FBXO33: variants seen among roughly 807,000 people sequenced by gnomAD.
FBXO33 encodes F-box protein 33.
In FBXO33, 22 loss-of-function variants were observed where a neutral mutation model predicts 46.3. The observed-to-expected ratio is 0.48, with a 90% confidence interval of 0.34 to 0.68. The LOEUF is 0.68. Ranked by LOEUF, FBXO33 falls within the 30% of genes least tolerant of loss-of-function variation. FBXO33 has a pLI of 0.01. For synonymous variants in FBXO33, 337 were observed against 291.3 expected, an observed-to-expected ratio of 1.16 and a Z score of -1.60; for missense variants, 692 against 708.8, an observed-to-expected ratio of 0.98 and a Z score of 0.27.
chr14:39,422,993 G>A (rs34080511), intron 1 of FBXO33, among the ~76,000 whole-genome samples: 13,902 of 152,102 alleles, frequency 0.091, 720 homozygotes, highest in Middle Eastern at 0.16. Flanking sequence ...GTGGTGGCGT[G>A]TGCCTGTAGT....
chr14:39,402,412 T>C lies in FBXO33; in HGVS notation c.699A>G (p.Lys233=). Residue 233 remains lysine (K), a synonymous_variant, in exon 2 of 4, where the codon AAA becomes AAG. Coordinates refer to ENST00000298097, the MANE Select transcript of FBXO33 (RefSeq NM_203301.4). ...TYLSKVDPDG[K]KIKQIQQLFE... Reference sequence around the variant, plus strand: ...ACCATATAACTTACTGTTTAATTTTTTTGCCATCAGGGTCCACCTTGCTGA... The same window carrying C: ...ACCATATAACTTACTGTTTAATTTTCTTGCCATCAGGGTCCACCTTGCTGA... 3.2e-6 allele frequency: 5 copies of C among 1,565,572 alleles called. No individual in the cohort carries two copies. Among genetic ancestry groups the C allele is most frequent in the Non-Finnish European group, 4.3e-6 (5 of 1,154,520 alleles).
At chr14:39,431,373 A>C (rs572688089) in intron 1 of FBXO33, among the ~76,000 whole-genome samples, 191 bp downstream of exon 1, 28 of 152,286 alleles carry the variant, frequency 1.8e-4, no homozygotes, top group Non-Finnish European at 3.5e-4. Context: ...CACTGTTTAT[A>C]AAGTATCGTG....
chr14:39,422,928 T>C (rs867773107), intron 1 of FBXO33, among the ~76,000 whole-genome samples: 29 of 152,006 alleles, frequency 1.9e-4, no homozygotes, highest in African/African-American at 5.3e-4. Flanking sequence ...TCGAGACCAG[T>C]CTGGCCAACA....
rs1159059027 is a variant in FBXO33 at position 39,399,651 on chromosome 14, A to G, written c.1533T>C (p.His511=). 1 of 1,613,950 alleles carries G rather than the reference A, an allele frequency of 6.2e-7. No individual in the cohort carries two copies. Among genetic ancestry groups the G allele is most frequent in the Non-Finnish European group, 8.5e-7 (1 of 1,179,988 alleles). ...ELADQDVDPV[H]NLIEQVSLGL... ...CCAGGGATACCTGCTCAATAAGGTTATGCACTGGATCTACATCCTGGTCGG... is the reference window on the plus strand; with the variant it reads ...CCAGGGATACCTGCTCAATAAGGTTGTGCACTGGATCTACATCCTGGTCGG... The change falls in exon 4 of 4, where the codon CAT becomes CAC. Residue 511 remains histidine, a synonymous_variant. Coordinates refer to ENST00000298097, the MANE Select transcript of FBXO33 (RefSeq NM_203301.4).
chr14:39,402,677 ATTTT>A (rs58903755), intron 1 of FBXO33, among the ~76,000 whole-genome samples, 166 bp from the exon 2 acceptor site: 1 of 83,102 alleles, frequency 1.2e-5, no homozygotes. Context: ...ATATATTCAG[ATTTT>A]TTTTTTTTTT....
At chr14:39,402,287 A>ACCTATC (rs1661937559) in intron 2 of FBXO33, 114 bp downstream of exon 2, 1 of 483,732 alleles carries the variant, frequency 2.1e-6, no homozygotes, top group African/African-American at 2.0e-5. Context: ...CATTTCCAGG[A>ACCTATC]CCTATGTTCC....
At chr14:39,430,714 T>C (rs180990704) in intron 1 of FBXO33, among the ~76,000 whole-genome samples, 27 of 152,330 alleles carry the variant, frequency 1.8e-4, no homozygotes, top group Non-Finnish European at 3.8e-4. Flanking sequence ...TAAGGTTCTT[T>C]AGAATATCCA....
At chr14:39,430,099 C>T (rs139286023) in intron 1 of FBXO33, among the ~76,000 whole-genome samples, 56 of 152,336 alleles carry the variant, frequency 3.7e-4, no homozygotes, top group African/African-American at 1.3e-3. Flanking sequence ...ACCTTGGTCT[C>T]ATTAGTAAGT....
intron 3 of FBXO33, among the ~76,000 whole-genome samples, 187 bp from the exon 4 acceptor site, chr14:39,399,974 A>G (rs2075361305): frequency 6.6e-6 from 1 of 152,202 alleles, no homozygotes; most frequent in Admixed American, 6.5e-5. Flanking sequence ...TAGCCCAGAA[A>G]AAAAAAGGCT....
In FBXO33 at chr14:39,412,039, T is replaced by C. The variant is rs543282174; in HGVS notation, c.600-9528A>G. On this transcript the variant is annotated intron_variant, in intron 1 of 3. Transcript: ENST00000298097. Reference sequence around the variant, plus strand: ...GAGAAGAATGTGTATTCTGCTGTTGTTGGATGGAATGTTCTGTATATGTCT... The same window carrying C: ...GAGAAGAATGTGTATTCTGCTGTTGCTGGATGGAATGTTCTGTATATGTCT... Among the ~76,000 whole-genome samples, 5 of 152,342 alleles carry C rather than the reference T, an allele frequency of 3.3e-5. No homozygotes were observed. The South Asian group carries it at 1.0e-3, about 32-fold the overall frequency.
At chr14:39,412,099 C>A (rs1467408407) in intron 1 of FBXO33, among the ~76,000 whole-genome samples, 1 of 152,162 alleles carries the variant, frequency 6.6e-6, no homozygotes, top group Non-Finnish European at 1.5e-5. Flanking sequence ...TGGTTAAAAT[C>A]CAGTGTTTCC....
chr14:39,432,300 C>G lies in FBXO33; in HGVS notation c.-138G>C, dbSNP rs1256195521. ...CCTCTGTCTTCTCAAACTCTACTCA[C>G]GTGCGTCCGAGGCCGGCACACTGAG... On this transcript the variant is annotated 5_prime_UTR_variant, in exon 1 of 4. Transcript: ENST00000298097. The G allele has an allele frequency of 1.3e-5, 9 of 688,602 alleles. No homozygotes were observed. The highest frequency in any genetic ancestry group is 1.8e-5 in the Non-Finnish European group (9 of 510,568). 42.7% of individuals were successfully genotyped at this position (688,602 alleles called of 1,614,324 possible).
In FBXO33 at chr14:39,407,483, C is replaced by G. The variant is rs545408140; in HGVS notation, c.600-4972G>C. On this transcript the variant is annotated intron_variant, in intron 1 of 3. Transcript: ENST00000298097. ...TCCCTCCTTACAGCCCCAGCAATCA[C>G]CATTTTATTCTCTGCTTCTGGGAGT... 2.0e-4 allele frequency among the ~76,000 whole-genome samples: 31 copies of G among 152,326 alleles called. No homozygotes were observed. In the South Asian group the frequency reaches 6.2e-3, roughly 31 times the overall value.
chr14:39,405,606 A>G (rs2075392537), intron 1 of FBXO33, among the ~76,000 whole-genome samples: 1 of 152,146 alleles, frequency 6.6e-6, no homozygotes, highest in South Asian at 2.1e-4. Context: ...GAATAGCAAT[A>G]AATTAGGAAG....
At chr14:39,404,011 T>C (rs1277695274) in intron 1 of FBXO33, among the ~76,000 whole-genome samples, 1 of 152,148 alleles carries the variant, frequency 6.6e-6, no homozygotes, top group East Asian at 1.9e-4. Context: ...AGTGCTGAGA[T>C]TACAAGTATG....
chr14:39,400,736 A>G (rs1169857308), intron 3 of FBXO33, among the ~76,000 whole-genome samples: 4 of 152,220 alleles, frequency 2.6e-5, no homozygotes, highest in Non-Finnish European at 5.9e-5. Context: ...AAGCATATCA[A>G]TGGAACCATC....
At position 39,431,844 on chromosome 14, in the gene FBXO33, G is replaced by T; in HGVS notation, c.319C>A (p.Leu107Met). Reference protein sequence around the residue: ...HWRECLFYPALWPQLRICLRV... With the variant: ...HWRECLFYPAMWPQLRICLRV... ...AGGCAGATGCGGAGCTGGGGCCACA[G>T]GGCCGGATAGAAGAGGCACTCACGC... Residue 107 changes from leucine (L) to methionine (M), a missense_variant, in exon 1 of 4, where the codon CTG becomes ATG. Physicochemically the swap from Leu to Met is conservative, Grantham distance 15. Coordinates refer to ENST00000298097, the MANE Select transcript of FBXO33 (RefSeq NM_203301.4). 6.2e-7 allele frequency: 1 copy of T among 1,601,004 alleles called. No individual in the cohort carries two copies. The highest frequency in any genetic ancestry group is 1.1e-5 in the South Asian group (1 of 90,278).
intron 1 of FBXO33, among the ~76,000 whole-genome samples, chr14:39,426,381 G>A (rs938897655): frequency 2.0e-5 from 3 of 151,998 alleles, no homozygotes; most frequent in Admixed American, 6.6e-5. Context: ...CTCTTGCTTA[G>A]AGTACAGTAA....
chr14:39,403,376 G>A (rs2075377683), intron 1 of FBXO33, among the ~76,000 whole-genome samples: 2 of 152,074 alleles, frequency 1.3e-5, no homozygotes, highest in African/African-American at 2.4e-5. Context: ...GGGGGGAATC[G>A]CTTGAGGTCG....
Sources: gnomAD v4.1 joint callset for allele counts (sites outside exome capture counted in the v4.1 genomes callset) on GRCh38, gnomAD v4.1.1 for gene constraint, MANE v1.5 for transcripts, NCBI Gene and HGNC (gene_info 2026-07-23, HGNC 2026-07-21) for gene names.